The following RIMS2 variants were observed in gnomAD, a reference collection of about 807,000 sequenced individuals.
RIMS2 encodes the protein regulating synaptic membrane exocytosis protein 2.
Under a neutral mutation model 174.4 loss-of-function variants are expected in RIMS2, and 59 were observed. That is an observed-to-expected ratio of 0.34 (90% confidence interval 0.27 to 0.42). The LOEUF (loss-of-function observed/expected upper bound fraction) is 0.42. Ranked by LOEUF, RIMS2 falls within the 10% of genes least tolerant of loss-of-function variation. The pLI, the probability that RIMS2 is intolerant of heterozygous loss-of-function variation, is 1.00. For synonymous variants in RIMS2, 606 were observed against 572.5 expected (o/e 1.06, Z -0.84); for missense variants, 1,620 against 1,666.3 (o/e 0.97, Z 0.48).
At chr8:104,198,848 C>T (rs192131273) in intron 19 of RIMS2, among the ~76,000 whole-genome samples, 5 of 152,178 alleles carry the variant, frequency 3.3e-5, no homozygotes, top group Non-Finnish European at 7.4e-5. Context: ...CCAAGAATTA[C>T]ACTGATATTA....
intron 2 of RIMS2, among the ~76,000 whole-genome samples, chr8:103,754,830 C>T (rs190615518): frequency 7.2e-5 from 11 of 152,186 alleles, no homozygotes; most frequent in East Asian, 1.9e-4. Flanking sequence ...TGTCTCTGCA[C>T]GTGAGATGGG....
intron 1 of RIMS2, among the ~76,000 whole-genome samples, chr8:103,514,917 AC>A (rs1828248725): frequency 5.3e-5 from 8 of 151,468 alleles, no homozygotes; most frequent in South Asian, 2.1e-4. Flanking sequence ...AACAACAACA[AC>A]AAAAAAACAA....
intron 19 of RIMS2, among the ~76,000 whole-genome samples, chr8:104,102,002 G>T (rs553447086): frequency 6.6e-6 from 1 of 151,688 alleles, no homozygotes; most frequent in Non-Finnish European, 1.5e-5. Flanking sequence ...CCCATCCTGG[G>T]CCCTCTTTTC....
chr8:103,828,015 A>G (rs981343415), intron 3 of RIMS2, among the ~76,000 whole-genome samples: 1 of 152,124 alleles, frequency 6.6e-6, no homozygotes, highest in Non-Finnish European at 1.5e-5. Context: ...TAGCTTTTGA[A>G]TATTAAACCA....
chr8:103,612,479 C>T (rs1203259431), intron 1 of RIMS2, among the ~76,000 whole-genome samples: 1 of 152,222 alleles, frequency 6.6e-6, no homozygotes, highest in Non-Finnish European at 1.5e-5. Flanking sequence ...AGGCCCAATA[C>T]CACCGTGGTT....
At chr8:103,712,611 G>C (rs2097320114) in intron 2 of RIMS2, among the ~76,000 whole-genome samples, 1 of 152,056 alleles carries the variant, frequency 6.6e-6, no homozygotes, top group East Asian at 1.9e-4. Context: ...ATTAATAATA[G>C]AATCTATAAT....
intron 19 of RIMS2, among the ~76,000 whole-genome samples, chr8:104,050,368 T>C (rs2096765941): frequency 6.6e-6 from 1 of 152,172 alleles, no homozygotes; most frequent in African/African-American, 2.4e-5. Flanking sequence ...AACTTAGTTT[T>C]AAGTGCTCTT....
At chr8:103,885,037 T>C (rs775371723) in intron 3 of RIMS2, among the ~76,000 whole-genome samples, 6 of 151,888 alleles carry the variant, frequency 4.0e-5, no homozygotes, top group Non-Finnish European at 8.8e-5. Flanking sequence ...TTTATAGCAG[T>C]GGAATATCAT....
intron 2 of RIMS2, among the ~76,000 whole-genome samples, chr8:103,707,135 A>G (rs2097241998): frequency 6.6e-6 from 1 of 152,054 alleles, no homozygotes; most frequent in South Asian, 2.1e-4. Flanking sequence ...TTCAGTTTCC[A>G]TGCTGCCTTT....
chr8:103,942,630 C>A, intron 13 of RIMS2, 143 bp from the exon 16 acceptor site: 1 of 542,216 alleles, frequency 1.8e-6, no homozygotes, highest in Non-Finnish European at 3.1e-6. Flanking sequence ...AACATATTGA[C>A]AATTTTGCAA....
intron 3 of RIMS2, among the ~76,000 whole-genome samples, chr8:103,831,354 T>C (rs1250690512): frequency 6.6e-6 from 1 of 152,142 alleles, no homozygotes; most frequent in African/African-American, 2.4e-5. Flanking sequence ...GAAAGAGGGC[T>C]TTTCTTTTCT....
At chr8:103,729,625 T>G (rs1274475450) in intron 2 of RIMS2, among the ~76,000 whole-genome samples, 1 of 151,164 alleles carries the variant, frequency 6.6e-6, no homozygotes, top group Non-Finnish European at 1.5e-5. Context: ...TTTCTAGTTC[T>G]TTAAGATGCA....
chr8:103,819,490 G>GA (rs551531709), intron 3 of RIMS2: 787 of 1,596,086 alleles, frequency 4.9e-4, no homozygotes, highest in African/African-American at 1.4e-3. Flanking sequence ...AAGAGAAGGG[G>GA]AAAAAAAAAG....
chr8:104,155,850 C>T (rs1395131017), intron 19 of RIMS2, among the ~76,000 whole-genome samples: 3 of 152,080 alleles, frequency 2.0e-5, no homozygotes, highest in Non-Finnish European at 2.9e-5. Context: ...CATCAGCCCC[C>T]AATAAAGACA....
At chr8:104,093,780 C>A in intron 19 of RIMS2, 137 bp downstream of exon 24, 1 of 554,656 alleles carries the variant, frequency 1.8e-6, no homozygotes, top group Non-Finnish European at 3.0e-6. Flanking sequence ...TCAGTACATA[C>A]TACTTTTTAA....
intron 19 of RIMS2, among the ~76,000 whole-genome samples, chr8:104,151,120 A>G (rs552132397): frequency 6.6e-6 from 1 of 152,366 alleles, no homozygotes; most frequent in Admixed American, 6.5e-5. Context: ...TGATAGATTC[A>G]GGGAATTTTT....
chr8:104,205,858 C>G (rs936393611), intron 19 of RIMS2, among the ~76,000 whole-genome samples: 2 of 151,698 alleles, frequency 1.3e-5, no homozygotes, highest in Non-Finnish European at 2.9e-5. Flanking sequence ...CGGCTTCAAG[C>G]GATTCTCCTG....
At chr8:103,612,660 C>A (rs1003340183) in intron 1 of RIMS2, among the ~76,000 whole-genome samples, 1 of 152,184 alleles carries the variant, frequency 6.6e-6, no homozygotes, top group Non-Finnish European at 1.5e-5. Context: ...CTCCCTGCAA[C>A]CTCCGCCTAC....
chr8:103,566,627 G>A (rs189002766), intron 1 of RIMS2, among the ~76,000 whole-genome samples: 1 of 152,160 alleles, frequency 6.6e-6, no homozygotes, highest in Admixed American at 6.5e-5. Flanking sequence ...CTATCTAATT[G>A]TATGCTAAAT....
Sources: allele counts gnomAD v4.1 joint callset (sites outside exome capture counted in the v4.1 genomes callset), GRCh38; gene constraint gnomAD v4.1.1; transcripts MANE v1.5; gene names NCBI Gene and HGNC (gene_info 2026-07-23, HGNC 2026-07-21).